SULT1C2: variants seen among roughly 807,000 people sequenced by gnomAD.
SULT1C2 encodes the protein sulfotransferase 1C2.
Under a neutral mutation model 36.0 loss-of-function variants are expected in SULT1C2, and 27 were observed. That is an observed-to-expected ratio of 0.75 (90% CI 0.55 to 1.03). The LOEUF (loss-of-function observed/expected upper bound fraction) is 1.03, where lower values mean the gene tolerates loss of function less well. Among genes scored for constraint, SULT1C2 ranks in the 50% least tolerant of loss-of-function variants. The pLI is 0.00. For synonymous variants in SULT1C2, 121 were observed against 116.0 expected, an observed-to-expected ratio of 1.04 and a Z score of -0.27; for missense variants, 395 against 359.2, an observed-to-expected ratio of 1.10 and a Z score of -0.80.
rs996552565 is a variant in SULT1C2 at position 108,293,755 on chromosome 2, A to G, written c.88A>G (p.Ser30Gly). ...GCAGCCTGCAACTGTGGACAACTGG[A>G]GCCAGATCCAGAGCTTCGAGGCCAA... Reference protein sequence around the residue: ...LLQPATVDNWSQIQSFEAKPD... With the variant: ...LLQPATVDNWGQIQSFEAKPD... Residue 30 changes from serine (S) to glycine (G), a missense_variant, in exon 2 of 8, where the codon AGC (serine) becomes GGC (glycine). Coordinates refer to ENST00000251481, the MANE Select transcript of SULT1C2 (RefSeq NM_001056.4). 6.2e-7 allele frequency: 1 copy of G among 1,614,022 alleles called. No individual in the cohort carries two copies. Among genetic ancestry groups the G allele is most frequent in the African/African-American group, 1.3e-5 (1 of 74,908 alleles).
At chr2:108,300,588 C>A (rs1041169943) in intron 3 of SULT1C2, 1 of 547,076 alleles carries the variant, frequency 1.8e-6, no homozygotes. Context: ...CTTGACCATT[C>A]TCACCTTCTG....
chr2:108,301,260 A>G (rs1222789400), intron 4 of SULT1C2: 3 of 256,342 alleles, frequency 1.2e-5, no homozygotes, highest in Non-Finnish European at 2.2e-5. Flanking sequence ...TTTCTAACAG[A>G]CCAGGGAGGG....
intron 3 of SULT1C2, 129 bp from the exon 4 acceptor site, chr2:108,300,709 C>T: frequency 7.1e-7 from 1 of 1,409,976 alleles, no homozygotes. Flanking sequence ...ATTGTAAAAT[C>T]CCAAAAGAAA....
chr2:108,289,688 T>C (rs1014803588), intron 1 of SULT1C2, among the ~76,000 whole-genome samples: 2 of 152,170 alleles, frequency 1.3e-5, no homozygotes, highest in Non-Finnish European at 2.9e-5. Flanking sequence ...TGTATGTGTC[T>C]ACATGCCTGA....
chr2:108,297,975 G>T (rs904146269), intron 3 of SULT1C2, among the ~76,000 whole-genome samples: 94 of 152,142 alleles, frequency 6.2e-4, no homozygotes, highest in Admixed American at 2.6e-4. Context: ...AGAAGACTGG[G>T]TCTCTTTTAG....
At position 108,304,557 on chromosome 2, in the gene SULT1C2, C is replaced by A. The variant is rs1676970689; in HGVS notation, c.376-17C>A. 3.8e-6 allele frequency: 6 copies of A among 1,589,520 alleles called. No homozygotes were observed. The South Asian group carries it at 5.8e-5, about 15-fold the overall frequency. Reference sequence around the variant, plus strand: ...TTTTTATACCATCTTTTACCCACCTCTTTTCTTACCCCAAAGTTCCTTTAT... The same window carrying A: ...TTTTTATACCATCTTTTACCCACCTATTTTCTTACCCCAAAGTTCCTTTAT... On this transcript the variant is annotated splice_polypyrimidine_tract_variant and intron_variant, in intron 4 of 7. Coordinates refer to ENST00000251481, the MANE Select transcript of SULT1C2 (RefSeq NM_001056.4).
chr2:108,299,198 C>G (rs1305131290), intron 3 of SULT1C2: 1 of 152,268 alleles, frequency 6.6e-6, no homozygotes, highest in Non-Finnish European at 1.5e-5. Flanking sequence ...CACTGGGTGT[C>G]CAGAGGGTGA....
At position 108,294,227 on chromosome 2, in the gene SULT1C2, A is replaced by G; in HGVS notation, c.152-2A>G. ...TTCTCATCCTTCCTTTCTGAGCCTC[A>G]GGGACAACGTGGATTCAGGAAATTG... On this transcript the variant is annotated splice_acceptor_variant, in intron 2 of 7. Transcript: ENST00000251481. LOFTEE classifies it high-confidence loss of function. 6.2e-7 allele frequency: 1 copy of G among 1,613,574 alleles called. No homozygotes were observed. Among genetic ancestry groups the G allele is most frequent in the East Asian group, 2.2e-5 (1 of 44,862 alleles).
At chr2:108,296,492 C>A (rs769379342) in intron 3 of SULT1C2, among the ~76,000 whole-genome samples, 6 of 151,182 alleles carry the variant, frequency 4.0e-5, no homozygotes, top group Non-Finnish European at 7.4e-5. Context: ...GGCTCTGTTG[C>A]CCAGGCAGGA....
At chr2:108,293,387 G>A (rs1298273012) in intron 1 of SULT1C2, among the ~76,000 whole-genome samples, 4 of 151,990 alleles carry the variant, frequency 2.6e-5, no homozygotes, top group Non-Finnish European at 5.9e-5. Context: ...GGTACATAGA[G>A]TCCATAGAGA....
intron 3 of SULT1C2, among the ~76,000 whole-genome samples, chr2:108,295,957 C>A (rs1676714054): frequency 6.6e-6 from 1 of 152,170 alleles, no homozygotes; most frequent in Non-Finnish European, 1.5e-5. Flanking sequence ...CCACACCTGG[C>A]AAATTTTTTG....
rs573228517 is a variant in SULT1C2 at position 108,306,403 on chromosome 2, G to A, written c.778+808G>A. 1.1e-4 allele frequency among the ~76,000 whole-genome samples: 16 copies of A among 151,906 alleles called. No homozygotes were observed. In the East Asian group the frequency reaches 1.7e-3, roughly 17 times the overall value. On this transcript the variant is annotated intron_variant, in intron 7 of 7. Transcript: ENST00000251481. ...GAGGATTGCTTGAGGCTAGGAGTTC[G>A]AAACTAGACTGGGCAACACAGCAAG...
chr2:108,306,046 C>G (rs917814013), intron 7 of SULT1C2, among the ~76,000 whole-genome samples: 1 of 152,182 alleles, frequency 6.6e-6, no homozygotes, highest in Admixed American at 6.5e-5. Context: ...CCTCTGCTAA[C>G]CAGCTTCCGG....
At chr2:108,290,790 C>G (rs1421954545) in intron 1 of SULT1C2, among the ~76,000 whole-genome samples, 1 of 152,200 alleles carries the variant, frequency 6.6e-6, no homozygotes, top group Non-Finnish European at 1.5e-5. Context: ...AGTTAAACTT[C>G]AACAGAGAGT....
At chr2:108,303,696 T>C (rs1056830047) in intron 4 of SULT1C2, 11 of 152,206 alleles carry the variant, frequency 7.2e-5, no homozygotes, top group African/African-American at 2.4e-4. Context: ...TTGGGGCAGA[T>C]TTTTCTTTCT....
intron 5 of SULT1C2, among the ~76,000 whole-genome samples, chr2:108,304,953 C>T (rs1014982465): frequency 1.3e-5 from 2 of 152,200 alleles, no homozygotes; most frequent in Non-Finnish European, 2.9e-5. Context: ...TGTGATTGCA[C>T]ATAATAGGAA....
In SULT1C2 at chr2:108,308,574, T is replaced by C. The variant is rs1301309998; in HGVS notation, c.*110T>C. 1 of 845,682 alleles carries C rather than the reference T, an allele frequency of 1.2e-6. No homozygotes were observed. Among genetic ancestry groups the C allele is most frequent in the Non-Finnish European group, 1.8e-6 (1 of 558,254 alleles). 52.4% of individuals were successfully genotyped at this position (845,682 alleles called of 1,614,324 possible). On this transcript the variant is annotated 3_prime_UTR_variant, in exon 8 of 8. Transcript: ENST00000251481. The stretch of plus-strand genomic sequence containing the variant: ...GAAAGCATATTGTGAATGTATACAA[T>C]GTAGTACAAACAATCTCTGTGATGA...
chr2:108,293,578 TG>T, intron 1 of SULT1C2, 68 bp from the exon 2 acceptor site: 4 of 1,436,900 alleles, frequency 2.8e-6, no homozygotes, highest in Non-Finnish European at 3.8e-6. Flanking sequence ...ATGGTTAAAA[TG>T]ATCAATTTTA....
chr2:108,294,534 T>G (rs1050090198), intron 3 of SULT1C2, among the ~76,000 whole-genome samples, 180 bp downstream of exon 3: 8 of 138,278 alleles, frequency 5.8e-5, no homozygotes, highest in African/African-American at 2.1e-4. Context: ...CCTCTCATCC[T>G]CTGTCTACAT....
Sources: allele counts gnomAD v4.1 joint callset (sites outside exome capture counted in the v4.1 genomes callset), GRCh38; gene constraint gnomAD v4.1.1; transcripts MANE v1.5; gene names NCBI Gene and HGNC (gene_info 2026-07-23, HGNC 2026-07-21).